The following SPAG6 variants were observed in gnomAD, a reference collection of about 807,000 sequenced individuals.
SPAG6 encodes the protein sperm associated antigen 6, also known as sperm-associated antigen 6.
Under a neutral mutation model 58.5 loss-of-function variants are expected in SPAG6, and 49 were observed. The observed-to-expected ratio is 0.84, with a 90% CI of 0.67 to 1.06. The LOEUF (loss-of-function observed/expected upper bound fraction) is 1.06. Ranked by LOEUF, SPAG6 falls within the 50% of genes least tolerant of loss-of-function variation. SPAG6 has a pLI of 0.00. For synonymous variants in SPAG6, 233 were observed against 225.6 expected, an observed-to-expected ratio of 1.03 and a Z score of -0.29; for missense variants, 560 against 611.3, an observed-to-expected ratio of 0.92 and a Z score of 0.89.
chr10:22,368,685 TA>T lies in SPAG6; in HGVS notation c.472+11del. 1 of 1,599,634 alleles carries T rather than the reference TA, an allele frequency of 6.3e-7. No individual in the cohort carries two copies. The highest frequency in any genetic ancestry group is 8.5e-7 in the Non-Finnish European group (1 of 1,169,756). ...ATTGCAAGACATAATGCAGGTAATT[TA>T]AAATATGCAGGAGCATATTTTAAAA... On this transcript the variant is annotated splice_region_variant and intron_variant, in intron 4 of 10. Transcript: ENST00000376624.
intron 8 of SPAG6, 130 bp from the exon 9 acceptor site, chr10:22,401,031 A>T (rs558514538): frequency 1.7e-6 from 1 of 603,360 alleles, no homozygotes; most frequent in African/African-American, 1.8e-5. Flanking sequence ...ACAATTTTAA[A>T]AAATGAAACA....
intron 4 of SPAG6, among the ~76,000 whole-genome samples, chr10:22,386,135 A>G (rs1834057861): frequency 6.6e-6 from 1 of 152,198 alleles, no homozygotes; most frequent in Non-Finnish European, 1.5e-5. Context: ...TCTTGTATCT[A>G]AACATTAGCA....
At chr10:22,351,661 G>A (rs1020361195) in intron 2 of SPAG6, among the ~76,000 whole-genome samples, 4 of 152,128 alleles carry the variant, frequency 2.6e-5, no homozygotes, top group Non-Finnish European at 4.4e-5. Flanking sequence ...AGAACTTTGG[G>A]ATTTCTATTG....
intron 10 of SPAG6, among the ~76,000 whole-genome samples, chr10:22,413,664 C>A (rs1834798564): frequency 6.9e-6 from 1 of 144,554 alleles, no homozygotes; most frequent in South Asian, 2.1e-4. Context: ...ATTTTGGTTA[C>A]CTGACTAATG....
At chr10:22,379,091 A>C (rs1481694767) in intron 4 of SPAG6, among the ~76,000 whole-genome samples, 1 of 152,220 alleles carries the variant, frequency 6.6e-6, no homozygotes, top group African/African-American at 2.4e-5. Flanking sequence ...GAAAAATGAC[A>C]TTTGTGTGTG....
intron 2 of SPAG6, among the ~76,000 whole-genome samples, chr10:22,352,732 C>A (rs1194653168): frequency 6.6e-6 from 1 of 152,206 alleles, no homozygotes; most frequent in African/African-American, 2.4e-5. Flanking sequence ...TGGTCTTGAA[C>A]TCCTGACCTC....
Position 22,364,922 on chromosome 10 carries a change from C to G in SPAG6, c.191C>G (p.Ala64Gly). The G allele has an allele frequency of 2.5e-6, 4 of 1,613,368 alleles. No homozygotes were observed. The highest frequency in any genetic ancestry group is 3.4e-6 in the Non-Finnish European group (4 of 1,179,478). The change falls in exon 3 of 11, where the codon GCT (alanine) becomes GGT (glycine). Residue 64 changes from alanine (A) to glycine (G), a missense_variant. By Grantham distance (60) the Ala-to-Gly change is moderately conservative. Transcript: ENST00000376624. ...ACAATTCAACAGACTGCTGCTTTGGCTCTTGGGAGACTGGCCAATTATAAT... is the reference window on the plus strand; with the variant it reads ...ACAATTCAACAGACTGCTGCTTTGGGTCTTGGGAGACTGGCCAATTATAAT... ...VPTIQQTAAL[A>G]LGRLANYNDD...
chr10:22,415,611 T>G (rs117299711), intron 10 of SPAG6, among the ~76,000 whole-genome samples: 7 of 152,276 alleles, frequency 4.6e-5, no homozygotes, highest in African/African-American at 7.2e-5. Context: ...TAAGAAAATA[T>G]GGCTGTATTT....
intron 2 of SPAG6, among the ~76,000 whole-genome samples, chr10:22,360,035 A>G (rs764707408): frequency 6.6e-6 from 1 of 152,194 alleles, no homozygotes; most frequent in Non-Finnish European, 1.5e-5. Flanking sequence ...TTTCTTCCTG[A>G]TGATTTCTAT....
chr10:22,405,120 C>T (rs1315507871), intron 9 of SPAG6, among the ~76,000 whole-genome samples: 1 of 152,168 alleles, frequency 6.6e-6, no homozygotes, highest in Non-Finnish European at 1.5e-5. Context: ...TAACTGAATA[C>T]CCTTTATTTC....
Position 22,389,151 on chromosome 10 carries a change from A to T in SPAG6, c.853-9A>T. 1 of 1,612,638 alleles carries T rather than the reference A, an allele frequency of 6.2e-7. No homozygotes were observed. The highest frequency in any genetic ancestry group is 8.5e-7 in the Non-Finnish European group (1 of 1,179,040). The stretch of plus-strand genomic sequence containing the variant: ...TCCTGGTGATCTAACTCTTGTTCCC[A>T]TCGCTTAGCTTTCACAGCTGGTAGT... On this transcript the variant is annotated splice_polypyrimidine_tract_variant and intron_variant, in intron 6 of 10. Coordinates refer to ENST00000376624, the MANE Select transcript of SPAG6 (RefSeq NM_012443.4).
intron 2 of SPAG6, chr10:22,359,549 G>A (rs935956439): frequency 4.6e-5 from 7 of 152,140 alleles, no homozygotes; most frequent in African/African-American, 1.7e-4. Flanking sequence ...ATGAGTCACA[G>A]CACCCAGCTG....
Position 22,345,669 on chromosome 10 carries a change from C to T in SPAG6, c.25+33C>T. On this transcript the variant is annotated intron_variant, in intron 1 of 10. Coordinates refer to ENST00000376624, the MANE Select transcript of SPAG6 (RefSeq NM_012443.4). The surrounding 1 kb of genome is among the most constrained non-coding windows in gnomAD (Gnocchi z 6.3). ...CGAGGCGGGCAGGTGCCCTAACTAG[C>T]TGGCGCCGAGGAGACCCGGGTGCGG... 1 of 1,571,960 alleles carries T rather than the reference C, an allele frequency of 6.4e-7. No individual in the cohort carries two copies. The highest frequency in any genetic ancestry group is 1.4e-5 in the African/African-American group (1 of 73,622).
intron 4 of SPAG6, among the ~76,000 whole-genome samples, chr10:22,377,225 C>T (rs1258247789): frequency 6.6e-6 from 1 of 152,102 alleles, no homozygotes; most frequent in Non-Finnish European, 1.5e-5. Context: ...TGGAGGCTTC[C>T]CAGCAATGAC....
chr10:22,381,286 G>A (rs1222260621), intron 4 of SPAG6, among the ~76,000 whole-genome samples: 1 of 151,672 alleles, frequency 6.6e-6, no homozygotes, highest in Non-Finnish European at 1.5e-5. Flanking sequence ...CCCACAGAGG[G>A]GTGTGTTTTA....
At chr10:22,359,370 A>C (rs1836965466) in intron 2 of SPAG6, 1 of 365,374 alleles carries the variant, frequency 2.7e-6, no homozygotes, top group South Asian at 1.1e-4. Flanking sequence ...TATGGTAACA[A>C]ATATCTAACA....
chr10:22,410,448 A>T (rs1462417251), intron 9 of SPAG6, among the ~76,000 whole-genome samples: 1 of 152,182 alleles, frequency 6.6e-6, no homozygotes, highest in Admixed American at 6.5e-5. Context: ...ATCCTGGGAT[A>T]AGGGGATAGG....
chr10:22,401,164 A>T lies in SPAG6; in HGVS notation c.1201A>T (p.Lys401Ter). The T allele has an allele frequency of 2.0e-6, 3 of 1,505,726 alleles. No homozygotes were observed. The highest frequency in any genetic ancestry group is 1.8e-6 in the Non-Finnish European group (2 of 1,082,056). 93.3% of individuals were successfully genotyped at this position (1,505,726 alleles called of 1,614,324 possible). Reference protein sequence around the residue: ...ESSEDLQVKSKKAIKNILQKC... With the variant: ...ESSEDLQVKS Reference sequence around the variant, plus strand: ...ACATTCTGCTTTGTATTTCTAGAGTAAAAAAGCCATAAAGAATATCCTGCA... The same window carrying T: ...ACATTCTGCTTTGTATTTCTAGAGTTAAAAAGCCATAAAGAATATCCTGCA... The change falls in exon 9 of 11, where the codon AAA becomes TAA. Residue 401 changes from lysine to a stop codon, truncating the protein, a stop_gained. Coordinates refer to ENST00000376624, the MANE Select transcript of SPAG6 (RefSeq NM_012443.4). LOFTEE classifies it high-confidence loss of function.
chr10:22,407,052 C>T (rs1834575928), intron 9 of SPAG6, among the ~76,000 whole-genome samples: 1 of 152,014 alleles, frequency 6.6e-6, no homozygotes, highest in African/African-American at 2.4e-5. Flanking sequence ...AGATGGGTTT[C>T]CTGAATATAG....
Sources: gnomAD v4.1 joint callset for allele counts (sites outside exome capture counted in the v4.1 genomes callset) on GRCh38, gnomAD v4.1.1 for gene constraint, Gnocchi (gnomAD v3.1) non-coding constraint, MANE v1.5 for transcripts, NCBI Gene and HGNC (gene_info 2026-07-23, HGNC 2026-07-21) for gene names.